Variants in SLC14A2 observed in about 807,000 individuals in gnomAD.
SLC14A2 encodes solute carrier family 14 member 2.
In SLC14A2, 91 loss-of-function variants were observed where a neutral mutation model predicts 104.6. The observed-to-expected ratio is 0.87, with a 90% CI of 0.73 to 1.04. SLC14A2 has a LOEUF of 1.04. SLC14A2 is among the 50% of genes least tolerant of loss of function. The pLI, the probability that SLC14A2 is intolerant of heterozygous loss-of-function variation, is 0.00. For missense variants in SLC14A2, 1,189 were observed against 1,156.0 expected (o/e 1.03, Z -0.41); for synonymous variants, 476 against 466.4 (o/e 1.02, Z -0.27).
At chr18:45,638,878 C>T (rs1389835948) in intron 6 of SLC14A2, among the ~76,000 whole-genome samples, 1 of 152,212 alleles carries the variant, frequency 6.6e-6, no homozygotes, top group Non-Finnish European at 1.5e-5. Context: ...AGCTAGAGCC[C>T]TCTACTCCCA....
chr18:45,354,242 G>A (rs887342576), intron 1 of SLC14A2, among the ~76,000 whole-genome samples: 10 of 152,178 alleles, frequency 6.6e-5, no homozygotes, highest in African/African-American at 2.4e-4. Context: ...AGTCCAACTT[G>A]TTAGCATTCT....
At chr18:45,475,334 G>A (rs1174763071) in intron 1 of SLC14A2, among the ~76,000 whole-genome samples, 2 of 151,970 alleles carry the variant, frequency 1.3e-5, no homozygotes, top group Non-Finnish European at 2.9e-5. Context: ...GTGTTGAGAA[G>A]AATGTATATT....
chr18:45,384,405 G>T (rs1435695130), intron 1 of SLC14A2, among the ~76,000 whole-genome samples: 1 of 152,138 alleles, frequency 6.6e-6, no homozygotes, highest in African/African-American at 2.4e-5. Flanking sequence ...TCAGAACTTT[G>T]CTCCCTAAAG....
chr18:45,547,445 G>A (rs776754804), intron 2 of SLC14A2, among the ~76,000 whole-genome samples: 4 of 152,168 alleles, frequency 2.6e-5, no homozygotes, highest in Non-Finnish European at 5.9e-5. Flanking sequence ...AGCCAAGAGA[G>A]CCGCAGAACA....
the SLC14A2 span, among the ~76,000 whole-genome samples, chr18:45,192,833 T>A: frequency 6.6e-6 from 1 of 152,032 alleles, no homozygotes; most frequent in African/African-American, 2.4e-5. Flanking sequence ...ATTTTTTGTA[T>A]TTTTAGTAGA....
At chr18:45,593,259 G>A (rs1014118043) in intron 2 of SLC14A2, among the ~76,000 whole-genome samples, 2 of 151,492 alleles carry the variant, frequency 1.3e-5, no homozygotes, top group African/African-American at 4.8e-5. Context: ...GGAGCTTGCA[G>A]TGAGCCGAGA....
intron 1 of SLC14A2, among the ~76,000 whole-genome samples, chr18:45,339,317 A>G (rs2085369872): frequency 6.6e-6 from 1 of 152,176 alleles, no homozygotes; most frequent in Non-Finnish European, 1.5e-5. Context: ...ACTGCAAGCC[A>G]ATTCCACATT....
intron 1 of SLC14A2, among the ~76,000 whole-genome samples, chr18:45,255,804 A>G (rs73425974): frequency 0.14 from 21,315 of 152,114 alleles, 1,592 homozygotes; most frequent in Non-Finnish European, 0.16. Context: ...AGCATAAGCC[A>G]CCAGCCCCTG....
intron 10 of SLC14A2, among the ~76,000 whole-genome samples, chr18:45,659,174 G>A (rs2045892465): frequency 6.6e-6 from 1 of 152,214 alleles, no homozygotes; most frequent in Non-Finnish European, 1.5e-5. Context: ...CTGCCCAAGA[G>A]AGCCACCCCT....
At chr18:45,679,413 C>T (rs893712803) in intron 19 of SLC14A2, among the ~76,000 whole-genome samples, 3 of 152,238 alleles carry the variant, frequency 2.0e-5, no homozygotes, top group African/African-American at 7.2e-5. Flanking sequence ...AACTAGCTCC[C>T]CTCCATAGAA....
At chr18:45,212,578 G>A (rs1019493380), upstream of SLC14A2, among the ~76,000 whole-genome samples, 2 of 152,074 alleles carry the variant, frequency 1.3e-5, no homozygotes, top group African/African-American at 4.8e-5. Flanking sequence ...TGTAATAATG[G>A]CCCCTAATCT....
At chr18:45,198,345 A>G in the SLC14A2 span, among the ~76,000 whole-genome samples, 2 of 152,134 alleles carry the variant, frequency 1.3e-5, no homozygotes, top group Admixed American at 6.5e-5. Context: ...CTCACCCAAT[A>G]CTCAACCACT....
At chr18:45,611,910 T>G (rs953184424), upstream of SLC14A2, among the ~76,000 whole-genome samples, 1 of 152,246 alleles carries the variant, frequency 6.6e-6, no homozygotes, top group Non-Finnish European at 1.5e-5. Context: ...TAAAATACCA[T>G]GTGCATGGTG....
chr18:45,472,720 G>T (rs2087275008), intron 1 of SLC14A2, among the ~76,000 whole-genome samples: 1 of 152,122 alleles, frequency 6.6e-6, no homozygotes, highest in South Asian at 2.1e-4. Flanking sequence ...TTTTGATGGG[G>T]TTGTGTGTTT....
chr18:45,451,780 T>C (rs1297219606), intron 1 of SLC14A2, among the ~76,000 whole-genome samples: 1 of 152,184 alleles, frequency 6.6e-6, no homozygotes, highest in Non-Finnish European at 1.5e-5. Flanking sequence ...TAAATTCCTT[T>C]CCTATCTGAG....
At chr18:45,517,702 C>A (rs1241432379) in intron 2 of SLC14A2, among the ~76,000 whole-genome samples, 2 of 152,200 alleles carry the variant, frequency 1.3e-5, no homozygotes, top group Non-Finnish European at 1.5e-5. Context: ...TCGAGGAACT[C>A]CCTACCCTGA....
the SLC14A2 span, among the ~76,000 whole-genome samples, chr18:45,171,531 T>C: frequency 6.6e-6 from 1 of 152,172 alleles, no homozygotes; most frequent in Non-Finnish European, 1.5e-5. Flanking sequence ...GGATTGAAGA[T>C]GTGAAATTTA....
chr18:45,281,570 C>T (rs949519327), intron 1 of SLC14A2, among the ~76,000 whole-genome samples: 4 of 152,176 alleles, frequency 2.6e-5, no homozygotes, highest in African/African-American at 9.7e-5. Flanking sequence ...TTTTCTGACT[C>T]TGTCAGTTGA....
intron 1 of SLC14A2, among the ~76,000 whole-genome samples, chr18:45,224,621 T>C (rs960405027): frequency 4.6e-5 from 7 of 152,068 alleles, no homozygotes; most frequent in African/African-American, 1.7e-4. Context: ...TTGACACTTA[T>C]CTGCCAGCCA....
Sources: gnomAD v4.1 joint callset for allele counts (sites outside exome capture counted in the v4.1 genomes callset) on GRCh38, gnomAD v4.1.1 for gene constraint, MANE v1.5 for transcripts, NCBI Gene and HGNC (gene_info 2026-07-23, HGNC 2026-07-21) for gene names.